The following ASIP variants were observed in gnomAD, a reference collection of about 807,000 sequenced individuals.
ASIP encodes agouti-signaling protein.
In ASIP, 11 loss-of-function variants were observed where a neutral mutation model predicts 10.3. The ratio of observed to expected loss-of-function variants is 1.07; its 90% CI spans 0.68 to 1.78. The LOEUF is 1.78. Among genes scored for constraint, ASIP ranks in the 40% most tolerant of loss-of-function variants. The probability of loss-of-function intolerance (pLI) is 0.00; values close to 1 mark genes in which losing one functional copy is unlikely to be tolerated. For synonymous variants in ASIP, 70 were observed against 70.8 expected (o/e 0.99, Z 0.06); for missense variants, 180 against 169.2 (o/e 1.06, Z -0.35).
the ASIP span, among the ~76,000 whole-genome samples, chr20:34,187,089 A>G: frequency 6.6e-6 from 1 of 152,120 alleles, no homozygotes; most frequent in Admixed American, 6.5e-5. Context: ...ATTATGTTTA[A>G]CTTGGGTTGA....
chr20:34,235,401 T>C (rs2122587418), intron 1 of ASIP, among the ~76,000 whole-genome samples: 1 of 151,712 alleles, frequency 6.6e-6, no homozygotes, highest in Non-Finnish European at 1.5e-5. Context: ...GATCATGCCA[T>C]TGCACTCCAG....
At chr20:34,189,775 C>T (rs1442506022), upstream of ASIP, among the ~76,000 whole-genome samples, 2 of 152,196 alleles carry the variant, frequency 1.3e-5, no homozygotes, top group Non-Finnish European at 2.9e-5. Flanking sequence ...TACCCCTCTG[C>T]CTTACAGACC....
intron 1 of ASIP, among the ~76,000 whole-genome samples, chr20:34,244,000 G>T (rs902800618): frequency 6.6e-6 from 1 of 152,190 alleles, no homozygotes; most frequent in African/African-American, 2.4e-5. Flanking sequence ...GGGAAGCGGA[G>T]CTTGCAGTGA....
At chr20:34,262,692 C>T (rs779217965) in intron 2 of ASIP, 140 bp from the exon 3 acceptor site, 64 of 871,496 alleles carry the variant, frequency 7.3e-5, no homozygotes, top group Admixed American at 1.2e-4. Context: ...GGCTTGAGTC[C>T]TACAGTGTGA....
At chr20:34,263,676 T>TC (rs1375566664) in intron 3 of ASIP, among the ~76,000 whole-genome samples, 5 of 147,448 alleles carry the variant, frequency 3.4e-5, no homozygotes, top group African/African-American at 1.3e-4. Flanking sequence ...TTTTTTTTTC[T>TC]TTTTTTTTGA....
At chr20:34,192,262 C>T (rs2034828641), upstream of ASIP, among the ~76,000 whole-genome samples, 2 of 152,014 alleles carry the variant, frequency 1.3e-5, no homozygotes, top group South Asian at 4.1e-4. Flanking sequence ...AGCCCCCGAC[C>T]TTAGGTGATC....
chr20:34,259,334 G>A (rs1208657871), intron 1 of ASIP, among the ~76,000 whole-genome samples: 1 of 152,008 alleles, frequency 6.6e-6, no homozygotes, highest in Non-Finnish European at 1.5e-5. Context: ...CCAACATGGT[G>A]AAATCCCGTC....
intron 1 of ASIP, among the ~76,000 whole-genome samples, chr20:34,234,506 TTC>T (rs1173773919): frequency 8.9e-6 from 1 of 112,776 alleles, no homozygotes; most frequent in East Asian, 2.9e-4. Context: ...TCTTTTCTCC[TTC>T]CTTCCTTCCT....
intron 1 of ASIP, chr20:34,246,368 T>C (rs2035375445): frequency 6.8e-7 from 1 of 1,473,028 alleles, no homozygotes; most frequent in African/African-American, 1.4e-5. Context: ...TAGAAAATTC[T>C]TCTCTAACCA....
intron 1 of ASIP, among the ~76,000 whole-genome samples, chr20:34,216,356 C>T (rs535923199): frequency 1.1e-4 from 17 of 152,328 alleles, no homozygotes; most frequent in African/African-American, 2.6e-4. Context: ...GTGCGGGCGG[C>T]AGCCCGCGGG....
chr20:34,266,276 CG>C (rs1337594343), intron 3 of ASIP, among the ~76,000 whole-genome samples: 1 of 151,684 alleles, frequency 6.6e-6, no homozygotes, highest in Non-Finnish European at 1.5e-5. Flanking sequence ...GGCGTGAACC[CG>C]GGAGGCAGAG....
At chr20:34,219,293 G>C (rs996956584) in intron 1 of ASIP, among the ~76,000 whole-genome samples, 1 of 152,200 alleles carries the variant, frequency 6.6e-6, no homozygotes, top group Non-Finnish European at 1.5e-5. Flanking sequence ...GTGGATGCTT[G>C]TTATGTGCCA....
At chr20:34,216,353 C>G (rs926582035) in intron 1 of ASIP, among the ~76,000 whole-genome samples, 17 of 152,320 alleles carry the variant, frequency 1.1e-4, no homozygotes, top group African/African-American at 4.1e-4. Context: ...AGAGTGCGGG[C>G]GGCAGCCCGC....
upstream of ASIP, among the ~76,000 whole-genome samples, chr20:34,191,730 CTTTTTT>C (rs58407816): frequency 1.6e-5 from 2 of 125,168 alleles, no homozygotes; most frequent in African/African-American, 3.3e-5. Context: ...CTCTCTCTCT[CTTTTTT>C]TTTTTTTTTT....
intron 1 of ASIP, among the ~76,000 whole-genome samples, chr20:34,204,173 T>C (rs891513620): frequency 2.0e-5 from 3 of 152,144 alleles, no homozygotes; most frequent in East Asian, 1.9e-4. Flanking sequence ...CACAATCATG[T>C]AGTATGTGTA....
intron 1 of ASIP, among the ~76,000 whole-genome samples, chr20:34,200,757 C>T (rs1034792120): frequency 6.6e-6 from 1 of 152,166 alleles, no homozygotes; most frequent in Non-Finnish European, 1.5e-5. Context: ...AATTTTTCAG[C>T]TTTTGCCCTT....
intron 1 of ASIP, chr20:34,214,155 A>C: frequency 1.7e-6 from 2 of 1,185,516 alleles, no homozygotes; most frequent in Non-Finnish European, 2.5e-6. Context: ...TAAATCTTGT[A>C]TTCTATTCAA....
chr20:34,188,680 G>A, the ASIP span, among the ~76,000 whole-genome samples: 3 of 152,000 alleles, frequency 2.0e-5, no homozygotes, highest in African/African-American at 4.8e-5. Flanking sequence ...CAATTTACAC[G>A]AATGTATTTA....
intron 1 of ASIP, chr20:34,246,461 G>T: frequency 7.1e-7 from 1 of 1,402,494 alleles, no homozygotes; most frequent in South Asian, 1.2e-5. Flanking sequence ...GACTCGAAGT[G>T]GGTAATTGGC....
Sources: allele counts gnomAD v4.1 joint callset (sites outside exome capture counted in the v4.1 genomes callset), GRCh38; gene constraint gnomAD v4.1.1; transcripts MANE v1.5; gene names NCBI Gene and HGNC (gene_info 2026-07-23, HGNC 2026-07-21).